The following ERC2 variants were observed in gnomAD, a reference collection of about 807,000 sequenced individuals.
ERC2 encodes ELKS/RAB6-interacting/CAST family member 2.
Under a neutral mutation model 114.8 loss-of-function variants are expected in ERC2, and 42 were observed. That is an observed-to-expected ratio of 0.37 (90% CI 0.29 to 0.47). The LOEUF (loss-of-function observed/expected upper bound fraction) is 0.47, where lower values mean the gene tolerates loss of function less well. Ranked by LOEUF, ERC2 falls within the 20% of genes least tolerant of loss-of-function variation. ERC2 has a pLI of 0.99. For synonymous variants in ERC2, 454 were observed against 425.5 expected (o/e 1.07, Z -0.82); for missense variants, 939 against 1,150.7 (o/e 0.82, Z 2.66).
chr3:56,084,515 T>C (rs1376216043), intron 6 of ERC2, among the ~76,000 whole-genome samples: 2 of 152,092 alleles, frequency 1.3e-5, no homozygotes, highest in Admixed American at 1.3e-4. Context: ...AAATAAGATA[T>C]ATATATGATA....
chr3:56,059,890 G>A (rs1052283004), intron 7 of ERC2, among the ~76,000 whole-genome samples: 4 of 152,144 alleles, frequency 2.6e-5, no homozygotes, highest in African/African-American at 9.7e-5. Context: ...TCCAGTAGAG[G>A]TTATATTGAC....
chr3:56,285,009 TCTCACA>T (rs58632613), intron 3 of ERC2, among the ~76,000 whole-genome samples: 19,301 of 127,022 alleles, frequency 0.15, 1,456 homozygotes, highest in Admixed American at 0.22. Context: ...TCTCTCTCTC[TCTCACA>T]CACACACACA....
chr3:56,411,518 G>A (rs2107115494), intron 2 of ERC2, among the ~76,000 whole-genome samples: 1 of 152,110 alleles, frequency 6.6e-6, no homozygotes, highest in Non-Finnish European at 1.5e-5. Flanking sequence ...CCTTGCTATA[G>A]TTTAAATGCA....
chr3:56,440,326 G>A (rs1163871226), intron 1 of ERC2, among the ~76,000 whole-genome samples: 5 of 152,010 alleles, frequency 3.3e-5, no homozygotes, highest in South Asian at 4.2e-4. Flanking sequence ...GGTGGATCAC[G>A]AGGTCAGGAG....
intron 15 of ERC2, among the ~76,000 whole-genome samples, chr3:55,706,026 T>C (rs1472359852): frequency 6.6e-6 from 1 of 152,032 alleles, no homozygotes; most frequent in Non-Finnish European, 1.5e-5. Flanking sequence ...AGGTCTTGCT[T>C]TGGCCACAGG....
At chr3:55,600,657 G>A (rs1441138360) in intron 17 of ERC2, among the ~76,000 whole-genome samples, 1 of 152,194 alleles carries the variant, frequency 6.6e-6, no homozygotes, top group Non-Finnish European at 1.5e-5. Flanking sequence ...GGCTTGTGAT[G>A]CTCAACACCA....
intron 8 of ERC2, among the ~76,000 whole-genome samples, chr3:56,014,514 G>T (rs1384241413): frequency 6.6e-6 from 1 of 152,118 alleles, no homozygotes; most frequent in Non-Finnish European, 1.5e-5. Context: ...GCTTGCCCAG[G>T]TGATGCAACT....
chr3:56,428,482 C>G (rs1185477548), intron 2 of ERC2, among the ~76,000 whole-genome samples: 1 of 139,810 alleles, frequency 7.2e-6, no homozygotes, highest in Non-Finnish European at 1.5e-5. Context: ...GATTACACCA[C>G]TGCACTCCAG....
intron 3 of ERC2, among the ~76,000 whole-genome samples, chr3:56,185,450 G>A (rs1300022977): frequency 1.3e-5 from 2 of 152,150 alleles, no homozygotes; most frequent in Non-Finnish European, 1.5e-5. Context: ...CTAAAAGAGG[G>A]AAATTGTGTC....
At chr3:56,389,029 G>T (rs1463614765) in intron 2 of ERC2, among the ~76,000 whole-genome samples, 2 of 151,980 alleles carry the variant, frequency 1.3e-5, no homozygotes, top group Admixed American at 1.3e-4. Flanking sequence ...CAAAAAAAAA[G>T]AGTACAAAAA....
chr3:56,385,419 G>C (rs1026460079), intron 2 of ERC2, among the ~76,000 whole-genome samples: 1 of 152,098 alleles, frequency 6.6e-6, no homozygotes, highest in African/African-American at 2.4e-5. Context: ...GGTGGTGAGT[G>C]GATGGAAAAT....
At chr3:55,524,253 G>T (rs527982993) in intron 17 of ERC2, among the ~76,000 whole-genome samples, 5 of 152,192 alleles carry the variant, frequency 3.3e-5, no homozygotes, top group Non-Finnish European at 7.3e-5. Flanking sequence ...CCACAGTGGG[G>T]TGTTCATGCC....
At position 55,959,294 on chromosome 3, in the gene ERC2, TC is replaced by T. The variant is rs59684400; in HGVS notation, c.2268-8735del. 7.6e-3 allele frequency among the ~76,000 whole-genome samples: 1,160 copies of T among 152,254 alleles called. 8 individuals carry two copies. The highest frequency in any genetic ancestry group is 0.031 in the Middle Eastern group (9 of 294). On this transcript the variant is annotated intron_variant, in intron 12 of 17. Coordinates refer to ENST00000288221, the MANE Select transcript of ERC2 (RefSeq NM_015576.3). The stretch of plus-strand genomic sequence containing the variant: ...GAAGGGCTGATTCCTTCTAACATTC[TC>T]CCGTATTCTGACCCTGAAACCTCCC...
intron 1 of ERC2, among the ~76,000 whole-genome samples, chr3:56,449,193 A>G (rs1381557855): frequency 2.6e-5 from 4 of 152,112 alleles, no homozygotes; most frequent in Non-Finnish European, 5.9e-5. Flanking sequence ...GGATGTGCAC[A>G]GTGGTAGCCT....
rs149138934 is a variant in ERC2, at chr3:56,290,068, A to G, written c.1074+5951T>C. 6.0e-4 allele frequency among the ~76,000 whole-genome samples: 92 copies of G among 152,286 alleles called. No individual in the cohort carries two copies. In the East Asian group the frequency reaches 0.016, roughly 27 times the overall value. ...CCACAAAATTGCCACTGATACTCCC[A>G]CAGCATCCTCCATAGGGATGCTCAA... is the stretch of plus-strand genomic sequence containing the variant. On this transcript the variant is annotated intron_variant, in intron 3 of 17. Transcript: ENST00000288221.
chr3:55,561,171 T>A (rs1049758498), intron 17 of ERC2, among the ~76,000 whole-genome samples: 5 of 143,930 alleles, frequency 3.5e-5, no homozygotes, highest in Admixed American at 6.8e-5. Flanking sequence ...AAAAAAAAAA[T>A]TAAGAGCAAG....
chr3:56,320,379 G>A (rs1265163148), intron 2 of ERC2, among the ~76,000 whole-genome samples: 1 of 152,174 alleles, frequency 6.6e-6, no homozygotes, highest in Admixed American at 6.5e-5. Flanking sequence ...TCAAGAATGA[G>A]GATAAAATAA....
intron 7 of ERC2, among the ~76,000 whole-genome samples, chr3:56,052,523 G>A (rs139113270): frequency 2.0e-5 from 3 of 152,280 alleles, no homozygotes; most frequent in African/African-American, 7.2e-5. Context: ...AGGCCATCTG[G>A]CCCTTTAAGA....
intron 17 of ERC2, among the ~76,000 whole-genome samples, chr3:55,645,813 G>A (rs815470): frequency 0.73 from 110,420 of 152,094 alleles, 43,147 homozygotes; most frequent in Non-Finnish European, 0.86. Flanking sequence ...AACCATCAAC[G>A]TTGGATAATG....
Sources: allele counts gnomAD v4.1 joint callset (sites outside exome capture counted in the v4.1 genomes callset), GRCh38; gene constraint gnomAD v4.1.1; transcripts MANE v1.5; gene names NCBI Gene and HGNC (gene_info 2026-07-23, HGNC 2026-07-21).